The following SCN2A variants were observed in gnomAD, a reference collection of about 807,000 sequenced individuals.
The protein encoded by SCN2A is sodium channel protein type 2 subunit alpha.
SCN2A carries 20 observed loss-of-function variants against 188.7 expected under a neutral mutation model. The ratio of observed to expected loss-of-function variants is 0.11; its 90% CI spans 0.07 to 0.15. The LOEUF (loss-of-function observed/expected upper bound fraction) is 0.15, where lower values mean the gene tolerates loss of function less well. Among genes scored for constraint, SCN2A ranks in the 10% least tolerant of loss-of-function variants. SCN2A has a pLI of 1.00. For missense variants in SCN2A, 1,278 were observed against 2,445.0 expected, an observed-to-expected ratio of 0.52 and a Z score of 10.07; for synonymous variants, 804 against 833.1, an observed-to-expected ratio of 0.97 and a Z score of 0.60.
intron 13 of SCN2A, among the ~76,000 whole-genome samples, chr2:165,330,369 G>A (rs1698612863): frequency 6.6e-6 from 1 of 152,100 alleles, no homozygotes; most frequent in Admixed American, 6.6e-5. Flanking sequence ...AAAGGAAGAT[G>A]GTAGACAGTT....
chr2:165,291,578 T>TTCCTTCCTTCCTTCCTTC, intron 1 of SCN2A, among the ~76,000 whole-genome samples: 2 of 89,364 alleles, frequency 2.2e-5, no homozygotes, highest in African/African-American at 6.5e-5. Flanking sequence ...CCTTCCTTTC[T>TTCCTTCCTTCCTTCCTTC]CTCTCTCTCT....
intron 14 of SCN2A, among the ~76,000 whole-genome samples, chr2:165,332,922 C>T (rs1402401634): frequency 6.6e-6 from 1 of 152,000 alleles, no homozygotes; most frequent in African/African-American, 2.4e-5. Context: ...AATATGTGAC[C>T]TTCCTCTCTG....
chr2:165,360,206 C>T (rs1700391270), intron 17 of SCN2A, among the ~76,000 whole-genome samples: 1 of 151,708 alleles, frequency 6.6e-6, no homozygotes, highest in Non-Finnish European at 1.5e-5. Context: ...TGAGTGTGCC[C>T]ATGAAAAATT....
chr2:165,355,794 C>T (rs550881183), intron 17 of SCN2A, among the ~76,000 whole-genome samples: 51 of 152,050 alleles, frequency 3.4e-4, no homozygotes, highest in African/African-American at 1.1e-3. Context: ...GTCAGGAGTT[C>T]GAGACCAGCG....
rs147576541 is a variant in SCN2A, at chr2:165,354,395, G to A, written c.3123G>A (p.Pro1041=). ...RKQKALDEIK[P]LEDLNNKKDS... Reference sequence around the variant, plus strand: ...AGAAAGCTTTAGATGAAATTAAACCGCTTGAAGATCTAAATAATAAAAAAG... The same window carrying A: ...AGAAAGCTTTAGATGAAATTAAACCACTTGAAGATCTAAATAATAAAAAAG... The change falls in exon 17 of 27, where the codon CCG becomes CCA. Residue 1041 remains proline, a synonymous_variant. Coordinates refer to ENST00000375437, the MANE Select transcript of SCN2A (RefSeq NM_001040142.2). The A allele has an allele frequency of 9.0e-5, 145 of 1,613,900 alleles. 1 individual carries two copies. The African/African-American group carries it at 1.0e-3, about 11-fold the overall frequency.
intron 1 of SCN2A, among the ~76,000 whole-genome samples, chr2:165,291,516 TCTC>T (rs1559340510): frequency 4.0e-4 from 33 of 82,956 alleles, no homozygotes; most frequent in Non-Finnish European, 6.4e-4. Flanking sequence ...TCTTTCTTCC[TCTC>T]CTTTCTTTCC....
chr2:165,245,922 T>C (rs1223642523), intron 1 of SCN2A, among the ~76,000 whole-genome samples: 1 of 152,220 alleles, frequency 6.6e-6, no homozygotes, highest in Admixed American at 6.5e-5. Context: ...GCTGCTCCAA[T>C]TACTGGCCTT....
intron 1 of SCN2A, among the ~76,000 whole-genome samples, chr2:165,256,283 G>A (rs1179767458): frequency 6.6e-6 from 1 of 151,980 alleles, no homozygotes; most frequent in Non-Finnish European, 1.5e-5. Flanking sequence ...GGGATTACAG[G>A]GGTGAGCCAC....
chr2:165,344,454 A>G (rs938339421), intron 15 of SCN2A, 101 bp from the exon 16 acceptor site: 1 of 747,250 alleles, frequency 1.3e-6, no homozygotes, highest in African/African-American at 1.9e-5. Flanking sequence ...AATAATAATA[A>G]AATAAAATAA....
intron 1 of SCN2A, among the ~76,000 whole-genome samples, chr2:165,249,141 G>A (rs1371566156): frequency 1.3e-5 from 2 of 152,082 alleles, no homozygotes; most frequent in Non-Finnish European, 2.9e-5. Context: ...GCTCCTCAAA[G>A]TCAGGAACTT....
chr2:165,273,122 T>C (rs1320927850), intron 1 of SCN2A: 5 of 152,168 alleles, frequency 3.3e-5, no homozygotes, highest in African/African-American at 1.2e-4. Flanking sequence ...AATAAACATT[T>C]TGGCAATTTT....
intron 16 of SCN2A, among the ~76,000 whole-genome samples, chr2:165,348,186 C>T (rs1699701448): frequency 6.6e-6 from 1 of 151,940 alleles, no homozygotes; most frequent in Non-Finnish European, 1.5e-5. Flanking sequence ...TGGCAAAACC[C>T]CATCTCTACT....
At chr2:165,316,606 GTGT>G (rs1697763608) in intron 11 of SCN2A, among the ~76,000 whole-genome samples, 2 of 152,188 alleles carry the variant, frequency 1.3e-5, no homozygotes, top group South Asian at 4.2e-4. Context: ...TTTATACACT[GTGT>G]TGTTATTTGC....
intron 22 of SCN2A, among the ~76,000 whole-genome samples, chr2:165,376,179 G>A (rs1297731144): frequency 6.6e-6 from 1 of 151,716 alleles, no homozygotes; most frequent in East Asian, 1.9e-4. Context: ...ATAGCTAAGT[G>A]AGTAGATATG....
At chr2:165,351,227 A>C (rs982446043) in intron 16 of SCN2A, among the ~76,000 whole-genome samples, 2 of 152,240 alleles carry the variant, frequency 1.3e-5, no homozygotes, top group African/African-American at 4.8e-5. Flanking sequence ...GATGAAAGTT[A>C]GTGTCTAGTG....
chr2:165,304,064 T>A (rs1188092675), intron 3 of SCN2A, among the ~76,000 whole-genome samples: 1 of 152,126 alleles, frequency 6.6e-6, no homozygotes, highest in Non-Finnish European at 1.5e-5. Flanking sequence ...TTTCTTATAT[T>A]TTTACCCTCA....
chr2:165,381,525 G>A (rs1404881176), intron 25 of SCN2A, among the ~76,000 whole-genome samples: 3 of 151,852 alleles, frequency 2.0e-5, no homozygotes, highest in African/African-American at 7.3e-5. Context: ...CATACATAAT[G>A]TGAAAATATT....
In SCN2A at chr2:165,365,178, G is replaced by A. The variant is rs1345931602; in HGVS notation, c.3435G>A (p.Thr1145=). ...CAACTAGTTCATCTGAAGGCAGCACGGTTGATATTGGAGCTCCCGCCGAGG... is the reference window on the plus strand; with the variant it reads ...CAACTAGTTCATCTGAAGGCAGCACAGTTGATATTGGAGCTCCCGCCGAGG... ...LNATSSSEGS[T]VDIGAPAEGE... The change falls in exon 18 of 27, where the codon ACG becomes ACA. Residue 1145 remains threonine, a synonymous_variant. Coordinates refer to ENST00000375437, the MANE Select transcript of SCN2A (RefSeq NM_001040142.2). 17 of 1,613,574 alleles carry A rather than the reference G, an allele frequency of 1.1e-5. No individual in the cohort carries two copies. Among genetic ancestry groups the A allele is most frequent in the African/African-American group, 5.3e-5 (4 of 74,890 alleles).
intron 3 of SCN2A, among the ~76,000 whole-genome samples, chr2:165,299,303 GA>G (rs918500899): frequency 6.6e-6 from 1 of 152,096 alleles, no homozygotes; most frequent in African/African-American, 2.4e-5. Flanking sequence ...CTTCCTGGGG[GA>G]AAGAACTCAC....
Sources: allele counts gnomAD v4.1 joint callset (sites outside exome capture counted in the v4.1 genomes callset), GRCh38; gene constraint gnomAD v4.1.1; transcripts MANE v1.5; gene names NCBI Gene and HGNC (gene_info 2026-07-23, HGNC 2026-07-21).